Variants in KMT2A observed in about 807,000 individuals in gnomAD.
KMT2A encodes histone-lysine N-methyltransferase 2A.
Under a neutral mutation model 345.3 loss-of-function variants are expected in KMT2A, and 16 were observed. That is an observed-to-expected ratio of 0.05 (90% CI 0.03 to 0.07). The LOEUF (loss-of-function observed/expected upper bound fraction) is 0.07. Among genes scored for constraint, KMT2A ranks in the 10% least tolerant of loss-of-function variants. The probability of loss-of-function intolerance (pLI) is 1.00; values close to 1 mark genes in which losing one functional copy is unlikely to be tolerated. For synonymous variants in KMT2A, 1,599 were observed against 1,778.6 expected, an observed-to-expected ratio of 0.90 and a Z score of 2.54; for missense variants, 3,272 against 4,841.6, an observed-to-expected ratio of 0.68 and a Z score of 9.62.
chr11:118,492,906 C>G (rs1008325156), intron 15 of KMT2A, 151 bp from the exon 16 acceptor site: 6 of 647,710 alleles, frequency 9.3e-6, no homozygotes, highest in Non-Finnish European at 1.5e-5. Flanking sequence ...TTTTAACTTT[C>G]CTTTTCTATT....
chr11:118,488,181 AAAAT>A (rs782458398), intron 10 of KMT2A, among the ~76,000 whole-genome samples: 65 of 152,342 alleles, frequency 4.3e-4, no homozygotes, highest in Non-Finnish European at 7.8e-4. Context: ...CCGTCTCAAA[AAAAT>A]AAATAAATAA....
intron 31 of KMT2A, among the ~76,000 whole-genome samples, chr11:118,518,674 T>G (rs1015820620): frequency 7.3e-5 from 11 of 151,608 alleles, no homozygotes; most frequent in Admixed American, 7.2e-4. Flanking sequence ...TCCCAGCTAC[T>G]TGGGAGGCTG....
Position 118,505,482 on chromosome 11 carries a change from C to A in KMT2A, c.9590C>A (p.Pro3197His). The part of the protein sequence containing the change: ...LLIGVQPPPD[P>H]QLLVSESSQR... ...ATTGGGGTTCAGCCTCCTCCGGATC[C>A]CCAACTTTTGGTTTCAGAATCCAGC... is the stretch of plus-strand genomic sequence containing the variant. The change falls in exon 27 of 36, where the codon CCC (proline) becomes CAC (histidine). Residue 3197 changes from proline (P) to histidine (H), a missense_variant. Physicochemically the swap from Pro to His is moderately conservative, Grantham distance 77 (BLOSUM62 -2). Coordinates refer to ENST00000534358, the MANE Select transcript of KMT2A (RefSeq NM_001197104.2). This position sits in a 1 kb window ranked among gnomAD's most constrained non-coding sequence, Gnocchi z 4.6. The A allele has an allele frequency of 6.2e-7, 1 of 1,614,180 alleles. No individual in the cohort carries two copies. The highest frequency in any genetic ancestry group is 8.5e-7 in the Non-Finnish European group (1 of 1,180,030).
rs781795793 is a variant in KMT2A at position 118,521,878 on chromosome 11, CCTT to C, written c.11644-13_11644-11del. The C allele has an allele frequency of 4.4e-6, 7 of 1,605,414 alleles. No homozygotes were observed. In the African/African-American group the frequency reaches 5.3e-5, roughly 12 times the overall value. On this transcript the variant is annotated splice_polypyrimidine_tract_variant and intron_variant, in intron 35 of 35. Coordinates refer to ENST00000534358, the MANE Select transcript of KMT2A (RefSeq NM_001197104.2). The surrounding 1 kb of genome is among the most constrained non-coding windows in gnomAD (Gnocchi z 5.3). ...TTATAAGAAATGACAAGTTCTTCTC[CCTT>C]CTTCTGCATGTGCAGGGCATTGGTT...
intron 25 of KMT2A, 127 bp downstream of exon 25, chr11:118,501,274 A>G: frequency 2.5e-6 from 2 of 791,748 alleles, no homozygotes; most frequent in African/African-American, 1.7e-5. Flanking sequence ...CCTGGCCAAC[A>G]TGGTGAAACC....
intron 3 of KMT2A, among the ~76,000 whole-genome samples, chr11:118,474,668 A>G (rs1322791685): frequency 6.6e-6 from 1 of 152,246 alleles, no homozygotes; most frequent in African/African-American, 2.4e-5. Context: ...TTTGTACCTT[A>G]TAAGTTTGAT....
intron 31 of KMT2A, among the ~76,000 whole-genome samples, chr11:118,515,187 C>T (rs1950784548): frequency 6.6e-6 from 1 of 152,240 alleles, no homozygotes; most frequent in African/African-American, 2.4e-5. Flanking sequence ...CCTAAATGTG[C>T]TTTCATATCA....
intron 5 of KMT2A, among the ~76,000 whole-genome samples, chr11:118,479,073 G>A (rs966729507): frequency 2.0e-5 from 3 of 152,082 alleles, no homozygotes; most frequent in Non-Finnish European, 4.4e-5. Context: ...ATTCCCTTAA[G>A]CATTTATCCT....
At chr11:118,448,761 C>T (rs1047234581) in intron 1 of KMT2A, 1 of 152,066 alleles carries the variant, frequency 6.6e-6, no homozygotes, top group Non-Finnish European at 1.5e-5. Flanking sequence ...CTACTTTTAA[C>T]CAGTCTCATA....
chr11:118,512,709 T>C, intron 31 of KMT2A, among the ~76,000 whole-genome samples: 1 of 152,212 alleles, frequency 6.6e-6, no homozygotes, highest in East Asian at 1.9e-4. Context: ...ACTGCCAGGT[T>C]TTTTTTCCAA....
intron 1 of KMT2A, among the ~76,000 whole-genome samples, chr11:118,467,738 T>C (rs1357514900): frequency 6.6e-6 from 1 of 152,250 alleles, no homozygotes; most frequent in Non-Finnish European, 1.5e-5. Context: ...ACATGTGTTC[T>C]TACCTCTCGA....
chr11:118,470,455 T>G (rs1180537013), intron 2 of KMT2A, among the ~76,000 whole-genome samples: 16 of 152,200 alleles, frequency 1.1e-4, no homozygotes. Flanking sequence ...TGTCTTGTTT[T>G]CTAAGAAACC....
intron 1 of KMT2A, among the ~76,000 whole-genome samples, chr11:118,445,729 G>A (rs576884235): frequency 3.3e-5 from 5 of 152,336 alleles, no homozygotes; most frequent in South Asian, 4.1e-4. Flanking sequence ...TGGGTTGGGC[G>A]CAGTGGCTCA....
In KMT2A at chr11:118,491,938, G is replaced by A; in HGVS notation, c.5004+10G>A. 1 of 1,606,000 alleles carries A rather than the reference G, an allele frequency of 6.2e-7. No homozygotes were observed. The highest frequency in any genetic ancestry group is 8.5e-7 in the Non-Finnish European group (1 of 1,175,284). On this transcript the variant is annotated intron_variant, in intron 15 of 35. Transcript: ENST00000534358. This position sits in a 1 kb window ranked among gnomAD's most constrained non-coding sequence, Gnocchi z 4.2. ...GCTACGCTACCGGCAGGTAGGCCAA[G>A]TCTCATTTTTTTCTGAGAGCTTGTT... is the stretch of plus-strand genomic sequence containing the variant.
intron 1 of KMT2A, among the ~76,000 whole-genome samples, chr11:118,451,530 G>A (rs551378657): frequency 4.6e-5 from 7 of 152,276 alleles, no homozygotes; most frequent in Non-Finnish European, 8.8e-5. Flanking sequence ...TGAGACTACA[G>A]GCACATGCCA....
intron 30 of KMT2A, among the ~76,000 whole-genome samples, chr11:118,511,155 C>T (rs536124980): frequency 6.6e-6 from 1 of 152,206 alleles, no homozygotes; most frequent in South Asian, 2.1e-4. Context: ...CTATATGAGA[C>T]AGATTGAGCA....
Position 118,472,302 on chromosome 11 carries a change from G to C in KMT2A, c.1143G>C (p.Lys381Asn), listed in dbSNP as rs1425936302. The change falls in exon 3 of 36, where the codon AAG (lysine) becomes AAC (asparagine). Residue 381 changes from lysine to asparagine, a missense_variant. By Grantham distance (94) the Lys-to-Asn change is moderately conservative. Coordinates refer to ENST00000534358, the MANE Select transcript of KMT2A (RefSeq NM_001197104.2). ...IAKQLLQRAKKGAQKKIEKEA... is the reference protein window; with the variant it reads ...IAKQLLQRAKNGAQKKIEKEA... ...AGCAACTCTTACAGAGGGCAAAAAA[G>C]GGGGCTCAAAAGAAAATTGAAAAAG... is the stretch of plus-strand genomic sequence containing the variant. 6.2e-7 allele frequency: 1 copy of C among 1,613,998 alleles called. No individual in the cohort carries two copies. The highest frequency in any genetic ancestry group is 8.5e-7 in the Non-Finnish European group (1 of 1,180,040).
Position 118,496,195 on chromosome 11 carries a change from T to C in KMT2A, c.5558-66T>C. Reference sequence around the variant, plus strand: ...TGAATTATTTCTTTTTTCCTTGAAATCAGACATAGTATTGCCAATTTTAAC... The same window carrying C: ...TGAATTATTTCTTTTTTCCTTGAAACCAGACATAGTATTGCCAATTTTAAC... On this transcript the variant is annotated intron_variant, in intron 19 of 35. Transcript: ENST00000534358. This position sits in a 1 kb window ranked among gnomAD's most constrained non-coding sequence, Gnocchi z 4.7. The C allele has an allele frequency of 8.7e-7, 1 of 1,147,912 alleles. No homozygotes were observed. The highest frequency in any genetic ancestry group is 1.3e-6 in the Non-Finnish European group (1 of 761,698). The allele number at this position is 1,147,912 out of a possible 1,614,324, so 71.1% of individuals were successfully genotyped here.
intron 29 of KMT2A, among the ~76,000 whole-genome samples, 186 bp from the exon 30 acceptor site, chr11:118,509,762 C>T (rs1361703870): frequency 6.6e-6 from 1 of 152,018 alleles, no homozygotes; most frequent in Non-Finnish European, 1.5e-5. Flanking sequence ...TGGTTTTAGT[C>T]ACCACTTTCT....
Sources: gnomAD v4.1 joint callset for allele counts (sites outside exome capture counted in the v4.1 genomes callset) on GRCh38, gnomAD v4.1.1 for gene constraint, Gnocchi (gnomAD v3.1) non-coding constraint, MANE v1.5 for transcripts, NCBI Gene and HGNC (gene_info 2026-07-23, HGNC 2026-07-21) for gene names.